Variants in TSPAN18 observed in about 807,000 individuals in gnomAD.
The protein encoded by TSPAN18 is tetraspanin-18.
Under a neutral mutation model 27.3 loss-of-function variants are expected in TSPAN18, and 14 were observed. The ratio of observed to expected loss-of-function variants is 0.51; its 90% CI spans 0.34 to 0.80. The LOEUF is 0.80. Ranked by LOEUF, TSPAN18 falls within the 30% of genes least tolerant of loss-of-function variation. TSPAN18 has a pLI of 0.01. For missense variants in TSPAN18, 268 were observed against 323.9 expected (o/e 0.83, Z 1.32); for synonymous variants, 143 against 136.5 (o/e 1.05, Z -0.33).
intron 2 of TSPAN18, among the ~76,000 whole-genome samples, chr11:44,845,159 C>A (rs1325007488): frequency 1.3e-5 from 2 of 152,186 alleles, no homozygotes; most frequent in Admixed American, 1.3e-4. Flanking sequence ...TCACCCAGAG[C>A]AGGGGGACAC....
At chr11:44,906,642 T>C (rs1590665720) in intron 4 of TSPAN18, among the ~76,000 whole-genome samples, 163 bp downstream of exon 4, 1 of 152,096 alleles carries the variant, frequency 6.6e-6, no homozygotes, top group Admixed American at 6.5e-5. Flanking sequence ...CCCCCAGCAG[T>C]GCCCACCCCA....
intron 3 of TSPAN18, among the ~76,000 whole-genome samples, chr11:44,875,576 T>C (rs557891237): frequency 6.6e-6 from 1 of 152,342 alleles, no homozygotes; most frequent in Admixed American, 6.5e-5. Flanking sequence ...ATTCAGCACG[T>C]AATTATGTGC....
chr11:44,750,644 A>T (rs925908862), intron 1 of TSPAN18, among the ~76,000 whole-genome samples: 7 of 146,370 alleles, frequency 4.8e-5, no homozygotes, highest in African/African-American at 1.8e-4. Flanking sequence ...CTCCTTCAAA[A>T]CCTAATTTCC....
chr11:44,862,342 T>C (rs2135217213), intron 3 of TSPAN18, among the ~76,000 whole-genome samples: 1 of 152,360 alleles, frequency 6.6e-6, no homozygotes, highest in South Asian at 2.1e-4. Context: ...CTTGTGATGC[T>C]GCCTCCCAGG....
chr11:44,777,733 C>G (rs1041293383), intron 2 of TSPAN18, among the ~76,000 whole-genome samples: 1 of 152,188 alleles, frequency 6.6e-6, no homozygotes. Context: ...TTCCCTGAAG[C>G]CTGCCTCCCA....
chr11:44,757,011 T>C (rs183168749), intron 1 of TSPAN18, among the ~76,000 whole-genome samples: 2 of 152,386 alleles, frequency 1.3e-5, no homozygotes, highest in Admixed American at 1.3e-4. Context: ...TATATGACTT[T>C]TACAGTTTTG....
chr11:44,915,399 G>T (rs1033944048), intron 5 of TSPAN18, among the ~76,000 whole-genome samples: 1 of 152,174 alleles, frequency 6.6e-6, no homozygotes, highest in African/African-American at 2.4e-5. Flanking sequence ...AATGAGAATT[G>T]TAGGAGTGGC....
intron 1 of TSPAN18, among the ~76,000 whole-genome samples, chr11:44,741,449 G>GTA (rs1051504185): frequency 2.4e-5 from 2 of 81,904 alleles, no homozygotes; most frequent in African/African-American, 2.0e-4. Context: ...AGACATGTAT[G>GTA]TGTGTGTGTG....
intron 1 of TSPAN18, among the ~76,000 whole-genome samples, chr11:44,753,607 GTTT>G (rs1463483264): frequency 1.3e-5 from 2 of 152,290 alleles, no homozygotes; most frequent in Admixed American, 1.3e-4. Flanking sequence ...TTCGAACTGA[GTTT>G]TTTGAGATCA....
intron 3 of TSPAN18, among the ~76,000 whole-genome samples, chr11:44,881,685 C>A (rs1011832188): frequency 6.6e-6 from 1 of 152,206 alleles, no homozygotes; most frequent in Non-Finnish European, 1.5e-5. Flanking sequence ...CCTGCTTTAT[C>A]CTTTCCAACT....
At chr11:44,780,207 C>T (rs1030915940) in intron 2 of TSPAN18, among the ~76,000 whole-genome samples, 1 of 152,192 alleles carries the variant, frequency 6.6e-6, no homozygotes, top group Non-Finnish European at 1.5e-5. Flanking sequence ...ATGCAACACA[C>T]ACACACATGC....
At chr11:44,825,585 A>T (rs1396354759) in intron 2 of TSPAN18, among the ~76,000 whole-genome samples, 1 of 151,764 alleles carries the variant, frequency 6.6e-6, no homozygotes, top group African/African-American at 2.4e-5. Context: ...TCCCAGCGGG[A>T]CCCCTCCTGT....
At chr11:44,801,864 T>C (rs1462280557) in intron 2 of TSPAN18, among the ~76,000 whole-genome samples, 1 of 151,956 alleles carries the variant, frequency 6.6e-6, no homozygotes, top group Non-Finnish European at 1.5e-5. Context: ...AGACCCTGTC[T>C]CTACAAAAAT....
At chr11:44,731,146 G>A (rs4293105) in intron 1 of TSPAN18, among the ~76,000 whole-genome samples, 30 of 152,048 alleles carry the variant, frequency 2.0e-4, no homozygotes, top group Admixed American at 1.8e-3. Flanking sequence ...CAACAGGATG[G>A]AGCAGAAAGG....
intron 6 of TSPAN18, 96 bp from the exon 7 acceptor site, chr11:44,919,118 T>C: frequency 1.0e-6 from 1 of 998,382 alleles, no homozygotes; most frequent in Non-Finnish European, 1.6e-6. Flanking sequence ...TAGCTCTCAT[T>C]CCCCCAACTC....
At chr11:44,827,226 T>C (rs1255942357) in intron 2 of TSPAN18, among the ~76,000 whole-genome samples, 1 of 152,270 alleles carries the variant, frequency 6.6e-6, no homozygotes, top group African/African-American at 2.4e-5. Context: ...CCAGGAGCTC[T>C]AGGCCCCGGA....
chr11:44,897,945 G>A (rs954164939), intron 3 of TSPAN18: 6 of 1,021,108 alleles, frequency 5.9e-6, no homozygotes, highest in Middle Eastern at 2.5e-4. Context: ...TGTCTCCTTC[G>A]GTCTTTCCCT....
Position 44,930,613 on chromosome 11 carries a change from T to C in TSPAN18, c.*1435T>C. ...CAGATGCACACCCACAAGTATTCAGTTCTCAAACTCTAGACGAGTGTTGGC... is the reference window on the plus strand; with the variant it reads ...CAGATGCACACCCACAAGTATTCAGCTCTCAAACTCTAGACGAGTGTTGGC... On this transcript the variant is annotated 3_prime_UTR_variant, in exon 10 of 10. Coordinates refer to ENST00000520358, the MANE Select transcript of TSPAN18 (RefSeq NM_130783.5). The C allele has an allele frequency of 3.0e-6, 1 of 332,778 alleles. No individual in the cohort carries two copies. Among genetic ancestry groups the C allele is most frequent in the Non-Finnish European group, 6.0e-6 (1 of 166,950 alleles). 20.6% of individuals were successfully genotyped at this position (332,778 alleles called of 1,614,324 possible).
At chr11:44,900,976 T>C (rs1177704763) in intron 3 of TSPAN18, among the ~76,000 whole-genome samples, 1 of 152,142 alleles carries the variant, frequency 6.6e-6, no homozygotes, top group African/African-American at 2.4e-5. Context: ...ATTACAAGCG[T>C]GAGCCACCGC....
Sources: gnomAD v4.1 joint callset for allele counts (sites outside exome capture counted in the v4.1 genomes callset) on GRCh38, gnomAD v4.1.1 for gene constraint, MANE v1.5 for transcripts, NCBI Gene and HGNC (gene_info 2026-07-23, HGNC 2026-07-21) for gene names.